Variants in GALNT13 observed in about 807,000 individuals in gnomAD.
GALNT13 encodes the protein UDP-GalNAc:polypeptide N-acetylgalactosaminyltransferase 13.
Under a neutral mutation model 64.2 loss-of-function variants are expected in GALNT13, and 28 were observed. The ratio of observed to expected loss-of-function variants is 0.44; its 90% CI spans 0.32 to 0.60. The LOEUF (loss-of-function observed/expected upper bound fraction) is 0.60. GALNT13 is among the 20% of genes least tolerant of loss of function. The pLI, the probability that GALNT13 is intolerant of heterozygous loss-of-function variation, is 0.05. For missense variants in GALNT13, 577 were observed against 669.8 expected (o/e 0.86, Z 1.53); for synonymous variants, 214 against 224.6 (o/e 0.95, Z 0.42).
chr2:154,245,991 A>C lies in GALNT13; in HGVS notation c.857+9A>C, dbSNP rs747085291. On this transcript the variant is annotated intron_variant, in intron 7 of 12. Coordinates refer to ENST00000392825, the MANE Select transcript of GALNT13 (RefSeq NM_052917.4). ...AGAACATTACCTGTCAGGTATGTAG[A>C]TCATATCTCTTGAAGATTATGTATA... 1.2e-5 allele frequency: 19 copies of C among 1,596,622 alleles called. No homozygotes were observed. The highest frequency in any genetic ancestry group is 1.5e-5 in the Non-Finnish European group (18 of 1,165,642).
At chr2:153,745,630 A>T in the GALNT13 span, among the ~76,000 whole-genome samples, 1 of 152,196 alleles carries the variant, frequency 6.6e-6, no homozygotes, top group African/African-American at 2.4e-5. Context: ...TTATTAAGCA[A>T]AAGTTTATTT....
chr2:154,076,941 C>T (rs923233208), intron 3 of GALNT13, among the ~76,000 whole-genome samples: 38 of 151,556 alleles, frequency 2.5e-4, no homozygotes, highest in African/African-American at 8.0e-4. Context: ...AACTTATTAA[C>T]GTTTGCAGCA....
intron 8 of GALNT13, among the ~76,000 whole-genome samples, chr2:154,267,137 G>A (rs112289955): frequency 0.019 from 2,918 of 152,056 alleles, 68 homozygotes; most frequent in African/African-American, 0.059. Context: ...ACAACTGAAT[G>A]TCTATGTGGG....
intron 9 of GALNT13, among the ~76,000 whole-genome samples, chr2:154,360,291 T>C (rs533773255): frequency 3.3e-5 from 5 of 152,270 alleles, no homozygotes; most frequent in Admixed American, 2.6e-4. Context: ...TTGCTTACAA[T>C]GTAAAGAAAA....
chr2:153,732,787 T>C, the GALNT13 span, among the ~76,000 whole-genome samples: 57 of 152,112 alleles, frequency 3.7e-4, no homozygotes, highest in African/African-American at 1.3e-3. Flanking sequence ...TTGGAAGACT[T>C]TGGATCTCAA....
chr2:153,277,992 T>C, the GALNT13 span, among the ~76,000 whole-genome samples: 3 of 140,302 alleles, frequency 2.1e-5, no homozygotes, highest in Admixed American at 2.3e-4. Flanking sequence ...AGTGTAGCGA[T>C]CTCGGCTCAC....
the GALNT13 span, among the ~76,000 whole-genome samples, chr2:153,346,527 T>A: frequency 6.6e-6 from 1 of 152,178 alleles, no homozygotes; most frequent in African/African-American, 2.4e-5. Context: ...TTATTTTTTT[T>A]AATGAAAGAT....
the GALNT13 span, among the ~76,000 whole-genome samples, chr2:153,098,687 G>A: frequency 6.6e-6 from 1 of 152,014 alleles, no homozygotes; most frequent in Non-Finnish European, 1.5e-5. Context: ...TTTATCTATT[G>A]TATTGTTGAC....
chr2:153,855,820 CAG>C, the GALNT13 span, among the ~76,000 whole-genome samples: 1 of 152,022 alleles, frequency 6.6e-6, no homozygotes, highest in Non-Finnish European at 1.5e-5. Flanking sequence ...ATAACAAAAA[CAG>C]TGAAAATAAC....
chr2:153,777,029 G>GT, the GALNT13 span, among the ~76,000 whole-genome samples: 1 of 151,578 alleles, frequency 6.6e-6, no homozygotes, highest in South Asian at 2.1e-4. Flanking sequence ...TGTTTTTCCT[G>GT]TTTTTTGTTT....
intron 4 of GALNT13, 96 bp downstream of exon 4, chr2:154,140,601 A>C: frequency 1.2e-6 from 1 of 858,786 alleles, no homozygotes; most frequent in Non-Finnish European, 1.8e-6. Context: ...CAATTCTAGC[A>C]ATGTGTGGTT....
At chr2:153,179,833 T>A in the GALNT13 span, among the ~76,000 whole-genome samples, 1 of 152,158 alleles carries the variant, frequency 6.6e-6, no homozygotes, top group Non-Finnish European at 1.5e-5. Flanking sequence ...TTTTCAAGAA[T>A]TTTATTGTTA....
the GALNT13 span, among the ~76,000 whole-genome samples, chr2:153,650,775 G>A: frequency 6.6e-6 from 1 of 152,002 alleles, no homozygotes; most frequent in Non-Finnish European, 1.5e-5. Context: ...AAACAGGTTT[G>A]GAGTGTCCCT....
intron 4 of GALNT13, among the ~76,000 whole-genome samples, chr2:154,202,236 A>G (rs1266098722): frequency 6.6e-6 from 1 of 152,090 alleles, no homozygotes; most frequent in East Asian, 1.9e-4. Context: ...AAGGGGCTAG[A>G]TTGGGGTATT....
the GALNT13 span, among the ~76,000 whole-genome samples, chr2:153,671,973 A>G: frequency 2.6e-4 from 40 of 152,232 alleles, no homozygotes; most frequent in Non-Finnish European, 5.4e-4. Context: ...ACATAATGAT[A>G]AAAGGACCAA....
chr2:154,061,778 G>C (rs1046050075), intron 3 of GALNT13, among the ~76,000 whole-genome samples: 1 of 152,038 alleles, frequency 6.6e-6, no homozygotes, highest in African/African-American at 2.4e-5. Flanking sequence ...CTTTATGTTT[G>C]TTTTTAGGAG....
chr2:153,663,403 T>C, the GALNT13 span, among the ~76,000 whole-genome samples: 126 of 152,230 alleles, frequency 8.3e-4, 1 homozygote, highest in Admixed American at 7.5e-3. Flanking sequence ...TTGATAAGCT[T>C]CCTTGTAATG....
intron 4 of GALNT13, among the ~76,000 whole-genome samples, chr2:154,188,095 A>G (rs139110026): frequency 2.0e-5 from 3 of 151,630 alleles, no homozygotes; most frequent in Non-Finnish European, 4.4e-5. Context: ...ACAGCAGTGC[A>G]ACTTTCCCCA....
the GALNT13 span, among the ~76,000 whole-genome samples, chr2:153,440,207 TTTCTG>T: frequency 6.6e-6 from 1 of 152,102 alleles, no homozygotes; most frequent in Non-Finnish European, 1.5e-5. Context: ...ATTGTTTTGT[TTTCTG>T]TTCCTGTGTT....
Sources: allele counts gnomAD v4.1 joint callset (sites outside exome capture counted in the v4.1 genomes callset), GRCh38; gene constraint gnomAD v4.1.1; transcripts MANE v1.5; gene names NCBI Gene and HGNC (gene_info 2026-07-23, HGNC 2026-07-21).